Variants in RNF150 observed in about 807,000 individuals in gnomAD.
RNF150 encodes ring finger protein 150.
RNF150 carries 24 observed loss-of-function variants against 39.3 expected under a neutral mutation model. The ratio of observed to expected loss-of-function variants is 0.61; its 90% CI spans 0.44 to 0.86. The LOEUF (loss-of-function observed/expected upper bound fraction) is 0.86. Among genes scored for constraint, RNF150 ranks in the 40% least tolerant of loss-of-function variants. The pLI, the probability that RNF150 is intolerant of heterozygous loss-of-function variation, is 0.00. For missense variants in RNF150, 502 were observed against 587.8 expected, an observed-to-expected ratio of 0.85 and a Z score of 1.51; for synonymous variants, 255 against 227.3, an observed-to-expected ratio of 1.12 and a Z score of -1.10.
Position 140,865,448 on chromosome 4 carries a change from G to A in RNF150, c.*2813C>T, listed in dbSNP as rs916622091. On this transcript the variant is annotated 3_prime_UTR_variant, in exon 7 of 7. Transcript: ENST00000515673. ...CTGACACTCATCTGTAGACTACCAG[G>A]TCTCCAGGTCAGTCTCTTCTTTGGG... The A allele has an allele frequency of 1.3e-5, 2 of 152,340 alleles. No individual in the cohort carries two copies. The highest frequency in any genetic ancestry group is 4.8e-5 in the African/African-American group (2 of 41,334). The allele number at this position is 152,340 out of a possible 1,614,324, so 9.4% of individuals were successfully genotyped here. A position where few individuals can be genotyped will look rare whatever the true frequency, so the allele number is the denominator to read the frequency against.
At chr4:141,133,472 TTGTG>T (rs747971541), upstream of RNF150, 1,102 of 153,554 alleles carry the variant, frequency 7.2e-3, 5 homozygotes, top group African/African-American at 0.016. Flanking sequence ...GTCTGTATGT[TTGTG>T]TGTGTGTGTG....
chr4:141,184,307 T>C (rs1046402169), intron 1 of RNF150, among the ~76,000 whole-genome samples: 5 of 152,238 alleles, frequency 3.3e-5, no homozygotes, highest in Non-Finnish European at 7.3e-5. Context: ...ATGTCTTCTT[T>C]TGAGAACTTT....
intron 1 of RNF150, among the ~76,000 whole-genome samples, chr4:141,029,126 G>A (rs1735829154): frequency 6.6e-6 from 1 of 152,154 alleles, no homozygotes; most frequent in African/African-American, 2.4e-5. Context: ...TATAACTTGT[G>A]AATACATTGA....
chr4:140,996,319 G>T (rs956642726), intron 1 of RNF150, among the ~76,000 whole-genome samples: 5 of 151,152 alleles, frequency 3.3e-5, no homozygotes, highest in Non-Finnish European at 5.9e-5. Context: ...ATTTTTAATT[G>T]GATTGTTAGA....
In RNF150 at chr4:141,132,644, G is replaced by A. The variant is rs762512426; in HGVS notation, c.165C>T (p.Pro55=). ...CGCCGCCGCCCGCCGCCCCGGCCCC[G>A]GGGTCCGGCGCGGGCTCGGCGTAGG... ...NITYAEPAPD[P]GAGAAGGGGA... is the part of the protein sequence containing the mutation. Residue 55 remains proline (P), a synonymous_variant, in exon 1 of 7, where the codon CCC becomes CCT. Transcript: ENST00000515673. The surrounding 1 kb of genome is among the most constrained non-coding windows in gnomAD (Gnocchi z 4.9). 1.8e-5 allele frequency: 29 copies of A among 1,598,830 alleles called. No individual in the cohort carries two copies. The highest frequency in any genetic ancestry group is 3.4e-4 in the Middle Eastern group (2 of 5,828).
At chr4:141,133,847 G>A (rs150985281), upstream of RNF150, among the ~76,000 whole-genome samples, 56 of 152,240 alleles carry the variant, frequency 3.7e-4, no homozygotes, top group East Asian at 9.3e-3. Flanking sequence ...AATACCTAGG[G>A]CAGTGGCTAT....
At chr4:141,113,221 TTC>T (rs1207672296) in intron 1 of RNF150, among the ~76,000 whole-genome samples, 14 of 151,822 alleles carry the variant, frequency 9.2e-5, no homozygotes, top group African/African-American at 3.4e-4. Flanking sequence ...CTGAGCCTAC[TTC>T]TGTCAATTTG....
intron 1 of RNF150, among the ~76,000 whole-genome samples, chr4:140,979,951 T>C (rs541104167): frequency 1.3e-5 from 2 of 152,332 alleles, no homozygotes; most frequent in South Asian, 2.1e-4. Flanking sequence ...ATTTTTAGTC[T>C]GAAACTCACA....
intron 1 of RNF150, among the ~76,000 whole-genome samples, chr4:141,027,195 A>G (rs1735734518): frequency 6.6e-6 from 1 of 152,206 alleles, no homozygotes; most frequent in African/African-American, 2.4e-5. Context: ...CCCGGAATGC[A>G]GTGAATCCAG....
chr4:140,893,554 C>T (rs1729833562), intron 6 of RNF150, among the ~76,000 whole-genome samples: 2 of 152,190 alleles, frequency 1.3e-5, no homozygotes, highest in African/African-American at 2.4e-5. Flanking sequence ...CATTCCTGCT[C>T]TTTCCAACTC....
intron 1 of RNF150, among the ~76,000 whole-genome samples, chr4:141,070,707 GCA>G: frequency 1.7e-5 from 2 of 117,240 alleles, no homozygotes; most frequent in South Asian, 2.7e-4. Context: ...AGCTAGAATG[GCA>G]ATCATTAAAA....
intron 2 of RNF150, among the ~76,000 whole-genome samples, chr4:140,964,138 G>A (rs898029101): frequency 3.9e-5 from 6 of 152,058 alleles, no homozygotes; most frequent in African/African-American, 1.4e-4. Flanking sequence ...ATCCCTGACT[G>A]TAAGCATTAT....
intron 6 of RNF150, among the ~76,000 whole-genome samples, chr4:140,906,257 C>A (rs183084509): frequency 6.6e-6 from 1 of 151,946 alleles, no homozygotes; most frequent in African/African-American, 2.4e-5. Flanking sequence ...AATGGTCCCC[C>A]ACATCTGCCT....
At chr4:141,137,066 T>C (rs1400140812), upstream of RNF150, among the ~76,000 whole-genome samples, 2 of 152,122 alleles carry the variant, frequency 1.3e-5, no homozygotes, top group African/African-American at 2.4e-5. Flanking sequence ...AAGATTGTAT[T>C]TGATATGCAG....
intron 1 of RNF150, among the ~76,000 whole-genome samples, chr4:141,205,059 G>A (rs182657771): frequency 1.1e-3 from 168 of 152,220 alleles, no homozygotes; most frequent in Admixed American, 0.011. Flanking sequence ...ATATTGACAC[G>A]CTTTTTAAGG....
In RNF150 at chr4:141,016,136, T is replaced by C. The variant is rs78763089; in HGVS notation, c.485-48263A>G. Among the ~76,000 whole-genome samples, 701 of 152,298 alleles carry C rather than the reference T, an allele frequency of 4.6e-3. 5 individuals are homozygous for C. The highest frequency in any genetic ancestry group is 0.016 in the African/African-American group (675 of 41,548). ...TCTTATCCCTTTAGTCCATTTCTTT[T>C]TACTGCGTCCGTCCCTGACAATACC... On this transcript the variant is annotated intron_variant, in intron 1 of 6. Coordinates refer to ENST00000515673, the MANE Select transcript of RNF150 (RefSeq NM_020724.2).
At chr4:141,193,736 C>T (rs775052320) in intron 1 of RNF150, among the ~76,000 whole-genome samples, 1 of 152,120 alleles carries the variant, frequency 6.6e-6, no homozygotes, top group Non-Finnish European at 1.5e-5. Context: ...GAGAGAGAAG[C>T]CTGTCTGATA....
chr4:141,040,352 T>C (rs903904040), intron 1 of RNF150, among the ~76,000 whole-genome samples: 3 of 152,172 alleles, frequency 2.0e-5, no homozygotes, highest in African/African-American at 7.2e-5. Flanking sequence ...GTACTAATAT[T>C]TTAATGGCTA....
At chr4:141,098,180 A>G (rs1054721805) in intron 1 of RNF150, among the ~76,000 whole-genome samples, 2 of 152,236 alleles carry the variant, frequency 1.3e-5, no homozygotes, top group Non-Finnish European at 2.9e-5. Flanking sequence ...CCCAGACAGC[A>G]CTTACTTTGG....
Sources: gnomAD v4.1 joint callset for allele counts (sites outside exome capture counted in the v4.1 genomes callset) on GRCh38, gnomAD v4.1.1 for gene constraint, Gnocchi (gnomAD v3.1) non-coding constraint, MANE v1.5 for transcripts, NCBI Gene and HGNC (gene_info 2026-07-23, HGNC 2026-07-21) for gene names.